Variants in ATP11A observed in about 807,000 individuals in gnomAD.
ATP11A encodes the protein ATPase phospholipid transporting 11A, also known as phospholipid-transporting ATPase IH.
ATP11A carries 81 observed loss-of-function variants against 154.4 expected under a neutral mutation model. The observed-to-expected ratio is 0.52, with a 90% CI of 0.44 to 0.63. ATP11A has a LOEUF of 0.63. Among genes scored for constraint, ATP11A ranks in the 30% least tolerant of loss-of-function variants. The pLI is 0.00. For synonymous variants in ATP11A, 623 were observed against 585.9 expected (o/e 1.06, Z -0.91); for missense variants, 1,316 against 1,474.3 (o/e 0.89, Z 1.76).
intron 11 of ATP11A, 65 bp from the exon 12 acceptor site, chr13:112,826,629 C>A: frequency 7.8e-7 from 1 of 1,288,552 alleles, no homozygotes; most frequent in Non-Finnish European, 1.1e-6. Flanking sequence ...GGTGTTAGAG[C>A]AGCATGTTGG....
chr13:112,721,197 G>GT (rs1281336544), intron 1 of ATP11A, among the ~76,000 whole-genome samples: 1 of 152,124 alleles, frequency 6.6e-6, no homozygotes, highest in Non-Finnish European at 1.5e-5. Context: ...GTTGGAGTGT[G>GT]TTTTTTTCTT....
intron 1 of ATP11A, among the ~76,000 whole-genome samples, chr13:112,742,415 G>T (rs1189612387): frequency 6.6e-6 from 1 of 152,170 alleles, no homozygotes; most frequent in Non-Finnish European, 1.5e-5. Flanking sequence ...CTCTGTGGGA[G>T]ACTGGGGTGT....
At position 112,885,498 on chromosome 13, in the gene ATP11A, GAC is replaced by G. The variant is rs1199664408; in HGVS notation, c.*3637_*3638del. On this transcript the variant is annotated 3_prime_UTR_variant, in exon 30 of 30. Transcript: ENST00000375645. ...CCACACGTACACACAGATGCACATGGACACACCCCAAACACGCACAGGCTCCT... is the reference window on the plus strand; with the variant it reads ...CCACACGTACACACAGATGCACATGGACACCCCAAACACGCACAGGCTCCT... The G allele has an allele frequency of 6.6e-6, 1 of 151,674 alleles. No homozygotes were observed. The highest frequency in any genetic ancestry group is 2.4e-5 in the African/African-American group (1 of 41,244). The allele number at this position is 151,674 out of a possible 1,614,324, so 9.4% of individuals were successfully genotyped here.
At chr13:112,727,871 A>G (rs1476832763) in intron 1 of ATP11A, among the ~76,000 whole-genome samples, 1 of 152,250 alleles carries the variant, frequency 6.6e-6, no homozygotes. Flanking sequence ...CATCTTGTTA[A>G]AGGCTGAGCC....
chr13:112,778,479 A>G (rs1165416843), intron 1 of ATP11A, among the ~76,000 whole-genome samples: 1 of 152,238 alleles, frequency 6.6e-6, no homozygotes, highest in East Asian at 1.9e-4. Context: ...CATGCCTGCA[A>G]TCTCAGTGCT....
rs1463115677 is a variant in ATP11A, at chr13:112,881,961, A to T, written c.*95A>T. ...GTGACACTCGCGGCCTGGAAGGAGA[A>T]GGTGTCCACGGAGCCCCCACCCATC... On this transcript the variant is annotated 3_prime_UTR_variant, in exon 30 of 30. Transcript: ENST00000375645. 7.3e-7 allele frequency: 1 copy of T among 1,367,748 alleles called. No individual in the cohort carries two copies. Among genetic ancestry groups the T allele is most frequent in the Non-Finnish European group, 9.8e-7 (1 of 1,021,978 alleles). 84.7% of individuals were successfully genotyped at this position (1,367,748 alleles called of 1,614,324 possible).
chr13:112,770,784 CG>C (rs980685070), intron 1 of ATP11A, among the ~76,000 whole-genome samples: 15 of 151,794 alleles, frequency 9.9e-5, no homozygotes, highest in Non-Finnish European at 1.8e-4. Context: ...TAGGAGGCGG[CG>C]ATGGCGAGTC....
rs576671115 is a variant in ATP11A at position 112,723,335 on chromosome 13, G to C, written c.39+32880G>C. 8.4e-3 allele frequency among the ~76,000 whole-genome samples: 18 copies of C among 2,142 alleles called. No homozygotes were observed. The East Asian group carries it at 0.14, about 17-fold the overall frequency. The allele number at this position is 2,142 out of a possible 152,430, so 1.4% of individuals were successfully genotyped here. A position where few individuals can be genotyped will look rare whatever the true frequency, so the allele number is the denominator to read the frequency against. On this transcript the variant is annotated intron_variant, in intron 1 of 29. Coordinates refer to ENST00000375645, the MANE Select transcript of ATP11A (RefSeq NM_015205.3). ...CATTCAGGCTGTTGTGCAGTGGCGC[G>C]ATCTCGGCTCACTGCACCCTCCGCC...
intron 25 of ATP11A, among the ~76,000 whole-genome samples, chr13:112,866,781 C>T (rs1594227057): frequency 6.6e-6 from 1 of 151,008 alleles, no homozygotes; most frequent in Non-Finnish European, 1.5e-5. Flanking sequence ...CTGCTTTAGT[C>T]GTTTTCATTC....
At chr13:112,824,285 C>A in intron 9 of ATP11A, 59 bp from the exon 10 acceptor site, 3 of 1,334,770 alleles carry the variant, frequency 2.2e-6, no homozygotes, top group Non-Finnish European at 2.2e-6. Flanking sequence ...GTGTGTAACT[C>A]ACCATAAGGC....
At chr13:112,743,519 G>T (rs1475599695) in intron 1 of ATP11A, among the ~76,000 whole-genome samples, 1 of 151,656 alleles carries the variant, frequency 6.6e-6, no homozygotes, top group Non-Finnish European at 1.5e-5. Flanking sequence ...GCATAGGCAG[G>T]TGTTGTAGGT....
intron 1 of ATP11A, among the ~76,000 whole-genome samples, chr13:112,768,481 T>C (rs2077150079): frequency 6.6e-6 from 1 of 152,232 alleles, no homozygotes. Flanking sequence ...AGTTGTTCTG[T>C]GTATGCTGTT....
At chr13:112,726,026 G>A (rs577778293) in intron 1 of ATP11A, among the ~76,000 whole-genome samples, 3 of 152,376 alleles carry the variant, frequency 2.0e-5, no homozygotes, top group Admixed American at 6.5e-5. Flanking sequence ...AGTTTTCACC[G>A]ACTCTGCTTC....
chr13:112,832,827 G>A, intron 13 of ATP11A, 33 bp from the exon 14 acceptor site: 1 of 1,603,358 alleles, frequency 6.2e-7, no homozygotes, highest in Non-Finnish European at 8.5e-7. Context: ...GACGCACCGT[G>A]ATTTGGGGGT....
At chr13:112,712,459 A>C (rs1594375166) in intron 1 of ATP11A, among the ~76,000 whole-genome samples, 1 of 152,194 alleles carries the variant, frequency 6.6e-6, no homozygotes, top group South Asian at 2.1e-4. Flanking sequence ...TGGGCCCCAC[A>C]GTGTGGCTGA....
intron 1 of ATP11A, among the ~76,000 whole-genome samples, chr13:112,779,239 T>C (rs1285302576): frequency 1.7e-4 from 18 of 103,492 alleles, no homozygotes; most frequent in Non-Finnish European, 2.9e-4. Context: ...GAGTAGCCAC[T>C]GGAGTAGCCG....
chr13:112,706,865 C>G (rs181767130), intron 1 of ATP11A, among the ~76,000 whole-genome samples: 59 of 152,324 alleles, frequency 3.9e-4, no homozygotes, highest in African/African-American at 1.3e-3. Context: ...ACTCTTAAAT[C>G]AATGTGGTTA....
intron 12 of ATP11A, among the ~76,000 whole-genome samples, chr13:112,830,428 T>C (rs1222249166): frequency 1.3e-5 from 2 of 151,962 alleles, no homozygotes; most frequent in African/African-American, 2.4e-5. Flanking sequence ...ATACAAAAAT[T>C]AGCCAGACGT....
At chr13:112,852,475 G>T (rs1022415986) in intron 18 of ATP11A, among the ~76,000 whole-genome samples, 1 of 152,240 alleles carries the variant, frequency 6.6e-6, no homozygotes. Flanking sequence ...ACAGAGCACC[G>T]TGTAAAGAAC....
Sources: allele counts gnomAD v4.1 joint callset (sites outside exome capture counted in the v4.1 genomes callset), GRCh38; gene constraint gnomAD v4.1.1; transcripts MANE v1.5; gene names NCBI Gene and HGNC (gene_info 2026-07-23, HGNC 2026-07-21).